The following CDCA5 variants were observed in gnomAD, a reference collection of about 807,000 sequenced individuals.
The protein encoded by CDCA5 is sororin.
Under a neutral mutation model 25.7 loss-of-function variants are expected in CDCA5, and 14 were observed. That is an observed-to-expected ratio of 0.54 (90% CI 0.36 to 0.85). The LOEUF is 0.85. Ranked by LOEUF, CDCA5 falls within the 40% of genes least tolerant of loss-of-function variation. CDCA5 has a pLI of 0.01. For synonymous variants in CDCA5, 127 were observed against 128.7 expected (o/e 0.99, Z 0.09); for missense variants, 307 against 324.5 (o/e 0.95, Z 0.41).
rs1947471202 is a variant in CDCA5 at position 65,077,553 on chromosome 11, A to T, written c.*1554T>A. On this transcript the variant is annotated 3_prime_UTR_variant, in exon 6 of 6. Transcript: ENST00000275517. ...TTCCTCAGGAACAGAGAACTTTGCAATGATGATCTCAACTCTGCATCATCT... is the reference window on the plus strand; with the variant it reads ...TTCCTCAGGAACAGAGAACTTTGCATTGATGATCTCAACTCTGCATCATCT... 1 of 985,264 alleles carries T rather than the reference A, an allele frequency of 1.0e-6. No individual in the cohort carries two copies. The highest frequency in any genetic ancestry group is 1.7e-5 in the African/African-American group (1 of 57,244). 61.0% of individuals were successfully genotyped at this position (985,264 alleles called of 1,614,324 possible). A position where few individuals can be genotyped will look rare whatever the true frequency, so the allele number is the denominator to read the frequency against.
chr11:65,068,519 C>G, exon 2 of CDCA5: 1 of 1,289,406 alleles, frequency 7.8e-7, no homozygotes, highest in South Asian at 1.2e-5. Flanking sequence ...AGCCTGAGGG[C>G]CCTTGGGTTC....
chr11:65,066,715 C>T (rs187218744), intron 5 of CDCA5: 77 of 1,287,326 alleles, frequency 6.0e-5, no homozygotes, highest in Middle Eastern at 4.3e-4. Context: ...GGTGGGTAGC[C>T]AGCCATGCAG....
Position 65,083,551 on chromosome 11 carries a change from C to G in CDCA5, c.142-1G>C. 1 of 1,614,114 alleles carries G rather than the reference C, an allele frequency of 6.2e-7. No homozygotes were observed. Among genetic ancestry groups the G allele is most frequent in the Non-Finnish European group, 8.5e-7 (1 of 1,180,008 alleles). On this transcript the variant is annotated splice_acceptor_variant, in intron 2 of 5. Transcript: ENST00000275517. LOFTEE classifies it high-confidence loss of function. ...TTCTGACTGCAGCCGCACTGGGTGT[C>G]TGGAGAAGAGGGATGAACGTGAGCT... is the stretch of plus-strand genomic sequence containing the variant.
downstream of CDCA5, among the ~76,000 whole-genome samples, chr11:65,065,118 G>A (rs543113741): frequency 8.9e-4 from 136 of 152,228 alleles, no homozygotes; most frequent in Non-Finnish European, 1.6e-3. Context: ...CGTGTCACAC[G>A]AGGATTAACG....
Position 65,079,411 on chromosome 11 carries a change from C to G in CDCA5, c.620G>C (p.Gly207Ala). 2.5e-6 allele frequency: 4 copies of G among 1,614,032 alleles called. No individual in the cohort carries two copies. The highest frequency in any genetic ancestry group is 3.4e-6 in the Non-Finnish European group (4 of 1,179,990). ...KPWAPDMTLPGISPPPEKQKR... is the reference protein window; with the variant it reads ...KPWAPDMTLPAISPPPEKQKR... ...CTGTTTCTCGGGTGGTGGGGAGATT[C>G]CAGGGAGAGTCATGTCTGGGGCCCA... The change falls in exon 5 of 6, where the codon GGA (glycine) becomes GCA (alanine). Residue 207 changes from glycine (G) to alanine (A), a missense_variant. By Grantham distance (60) the Gly-to-Ala change is moderately conservative. Transcript: ENST00000275517.
chr11:65,068,189 C>T (rs778841457), intron 2 of CDCA5: 31 of 982,756 alleles, frequency 3.2e-5, no homozygotes, highest in Non-Finnish European at 4.2e-5. Flanking sequence ...GGTCCTCCCA[C>T]ACCCCCCATC....
intron 4 of CDCA5, 129 bp from the exon 5 acceptor site, chr11:65,079,916 A>G (rs1590798586): frequency 3.2e-6 from 2 of 627,264 alleles, no homozygotes; most frequent in Non-Finnish European, 2.5e-6. Context: ...TTTGAGACGG[A>G]GTCTTGCTCT....
At chr11:65,065,808 G>A (rs185216618), downstream of CDCA5, among the ~76,000 whole-genome samples, 283 of 152,044 alleles carry the variant, frequency 1.9e-3, 1 homozygote, top group African/African-American at 6.3e-3. Context: ...ACTCAAAATC[G>A]ATATGTATCT....
Position 65,079,175 on chromosome 11 carries a change from C to T in CDCA5, c.691G>A (p.Asp231Asn). 6.6e-7 allele frequency: 1 copy of T among 1,524,096 alleles called. No homozygotes were observed. The highest frequency in any genetic ancestry group is 8.8e-7 in the Non-Finnish European group (1 of 1,136,708). The allele number at this position is 1,524,096 out of a possible 1,614,324, so 94.4% of individuals were successfully genotyped here. A position where few individuals can be genotyped will look rare whatever the true frequency, so the allele number is the denominator to read the frequency against. ...KMPEILKTEL[D>N]EWAAAMNAEF... ...GCATTCATGGCCGCAGCCCACTCAT[C>T]CAGCTCCGTTTTCTGAGGGAAGAGA... Residue 231 changes from aspartate (D) to asparagine (N), a missense_variant, in exon 6 of 6, where the codon GAT (aspartate) becomes AAT (asparagine). By Grantham distance (23) the Asp-to-Asn change is conservative. Coordinates refer to ENST00000275517, the MANE Select transcript of CDCA5 (RefSeq NM_080668.4).
At position 65,083,935 on chromosome 11, in the gene CDCA5, G is replaced by A. The variant is rs1947634227; in HGVS notation, c.44C>T (p.Ser15Phe). ...RTRSGGAAQR[S>F]GPRAPSPTKP... ...TCTCCCGCGCGCCCTCCGCTCACCG[G>A]AGCGCTGAGCGGCTCCTCCGGACCG... Residue 15 changes from serine (S) to phenylalanine (F), a missense_variant and splice_region_variant, in exon 1 of 6, where the codon TCC becomes TTC. Coordinates refer to ENST00000275517, the MANE Select transcript of CDCA5 (RefSeq NM_080668.4). 3 of 1,609,932 alleles carry A rather than the reference G, an allele frequency of 1.9e-6. No homozygotes were observed. Among genetic ancestry groups the A allele is most frequent in the Non-Finnish European group, 2.5e-6 (3 of 1,179,822 alleles).
At chr11:65,072,416 C>T (rs1352855248) in intron 1 of CDCA5, among the ~76,000 whole-genome samples, 1 of 152,220 alleles carries the variant, frequency 6.6e-6, no homozygotes, top group East Asian at 1.9e-4. Flanking sequence ...GTGTGGGGAA[C>T]TGCCCTGTGG....
chr11:65,066,994 G>T, intron 4 of CDCA5: 1 of 650,046 alleles, frequency 1.5e-6, no homozygotes, highest in Non-Finnish European at 2.4e-6. Flanking sequence ...CCTGGGACCA[G>T]TGTTTCAGTA....
At position 65,078,644 on chromosome 11, in the gene CDCA5, T is replaced by TG; in HGVS notation, c.*462dup. The TG allele has an allele frequency of 1.0e-6, 1 of 990,384 alleles. No individual in the cohort carries two copies. Among genetic ancestry groups the TG allele is most frequent in the Non-Finnish European group, 1.2e-6 (1 of 833,592 alleles). 61.3% of individuals were successfully genotyped at this position (990,384 alleles called of 1,614,324 possible). On this transcript the variant is annotated 3_prime_UTR_variant, in exon 6 of 6. Coordinates refer to ENST00000275517, the MANE Select transcript of CDCA5 (RefSeq NM_080668.4). ...GGAACTGAAAACCTCTTTACACAGG[T>TG]GGGTTCAAGAAGAAAGCCACCAACA...
At position 65,078,356 on chromosome 11, in the gene CDCA5, C is replaced by T. The variant is rs878922297; in HGVS notation, c.*751G>A. On this transcript the variant is annotated 3_prime_UTR_variant, in exon 6 of 6. Transcript: ENST00000275517. ...AGAAACTCACAGCACCTGGTGGCCA[C>T]ACCCTGAAATGCACCCTTTGCTCCA... 9 of 985,632 alleles carry T rather than the reference C, an allele frequency of 9.1e-6. No individual in the cohort carries two copies. In the South Asian group the frequency reaches 3.8e-4, roughly 41 times the overall value. The allele number at this position is 985,632 out of a possible 1,614,324, so 61.1% of individuals were successfully genotyped here. A position where few individuals can be genotyped will look rare whatever the true frequency, so the allele number is the denominator to read the frequency against.
intron 1 of CDCA5, among the ~76,000 whole-genome samples, chr11:65,069,628 C>G (rs1260929168): frequency 6.6e-6 from 1 of 152,160 alleles, no homozygotes; most frequent in East Asian, 1.9e-4. Flanking sequence ...AGAGTCATGC[C>G]TCTGAGAACC....
chr11:65,083,839 C>T lies in CDCA5; in HGVS notation c.46+94G>A, dbSNP rs533472143. Reference sequence around the variant, plus strand: ...ACAAGCCCTTTTAAGGGCGCCTCCTCCGGCGGCGGCAGCGGGAGGGAAGAG... The same window carrying T: ...ACAAGCCCTTTTAAGGGCGCCTCCTTCGGCGGCGGCAGCGGGAGGGAAGAG... On this transcript the variant is annotated intron_variant, in intron 1 of 5. Transcript: ENST00000275517. 5.0e-6 allele frequency: 8 copies of T among 1,592,488 alleles called. No homozygotes were observed. The African/African-American group carries it at 1.1e-4, about 21-fold the overall frequency.
At chr11:65,070,101 A>G (rs967977383) in intron 1 of CDCA5, among the ~76,000 whole-genome samples, 1 of 152,240 alleles carries the variant, frequency 6.6e-6, no homozygotes, top group Non-Finnish European at 1.5e-5. Flanking sequence ...GGTGTAAGCA[A>G]GAGCCGTGGG....
At chr11:65,082,532 G>A (rs1405608280) in intron 4 of CDCA5, among the ~76,000 whole-genome samples, 12 of 146,296 alleles carry the variant, frequency 8.2e-5, no homozygotes, top group Non-Finnish European at 3.0e-5. Context: ...GCGTGATCTC[G>A]GCCCACTGCA....
At position 65,083,997 on chromosome 11, in the gene CDCA5, A is replaced by T; in HGVS notation, c.-19T>A. On this transcript the variant is annotated 5_prime_UTR_variant, in exon 1 of 6. Coordinates refer to ENST00000275517, the MANE Select transcript of CDCA5 (RefSeq NM_080668.4). ...CAGACATAACTTAGGCTCCGTCTCG[A>T]GCTCCTCCAGCGCCGCCGCCCCGGG... 6.2e-7 allele frequency: 1 copy of T among 1,606,272 alleles called. No individual in the cohort carries two copies. Among genetic ancestry groups the T allele is most frequent in the South Asian group, 1.1e-5 (1 of 90,840 alleles).
Sources: gnomAD v4.1 joint callset for allele counts (sites outside exome capture counted in the v4.1 genomes callset) on GRCh38, gnomAD v4.1.1 for gene constraint, MANE v1.5 for transcripts, NCBI Gene and HGNC (gene_info 2026-07-23, HGNC 2026-07-21) for gene names.